The following KNDC1 variants were observed in gnomAD, a reference collection of about 807,000 sequenced individuals.
KNDC1 encodes the protein kinase non-catalytic C-lobe domain containing 1, also known as kinase non-catalytic C-lobe domain-containing protein 1.
In KNDC1, 106 loss-of-function variants were observed where a neutral mutation model predicts 172.8. That is an observed-to-expected ratio of 0.61 (90% CI 0.52 to 0.72). The LOEUF is 0.72. Ranked by LOEUF, KNDC1 falls within the 30% of genes least tolerant of loss-of-function variation. The pLI, the probability that KNDC1 is intolerant of heterozygous loss-of-function variation, is 0.00. For missense variants in KNDC1, 2,325 were observed against 2,394.5 expected, an observed-to-expected ratio of 0.97 and a Z score of 0.61; for synonymous variants, 1,083 against 1,062.2, an observed-to-expected ratio of 1.02 and a Z score of -0.38.
At chr10:133,178,162 T>C (rs1012276899) in intron 3 of KNDC1, among the ~76,000 whole-genome samples, 6 of 150,336 alleles carry the variant, frequency 4.0e-5, no homozygotes, top group African/African-American at 1.5e-4. Flanking sequence ...GGCACACGAG[T>C]GTATCCTGTG....
chr10:133,218,381 C>T (rs532131779), intron 26 of KNDC1, among the ~76,000 whole-genome samples: 1 of 152,346 alleles, frequency 6.6e-6, no homozygotes, highest in Non-Finnish European at 1.5e-5. Flanking sequence ...GCACCCACCC[C>T]GGACTGCACC....
chr10:133,207,480 G>C, intron 20 of KNDC1, 129 bp downstream of exon 20: 1 of 889,338 alleles, frequency 1.1e-6, no homozygotes, highest in Admixed American at 2.3e-5. Flanking sequence ...ATGTTTAATC[G>C]GGGTTTAGGC....
intron 3 of KNDC1, among the ~76,000 whole-genome samples, chr10:133,170,508 C>G (rs1180602789): frequency 6.6e-6 from 1 of 152,176 alleles, no homozygotes; most frequent in African/African-American, 2.4e-5. Context: ...GAGTGCCTCT[C>G]CAGTGAAGCT....
Position 133,183,496 on chromosome 10 carries a change from C to G in KNDC1, c.507+6C>G. On this transcript the variant is annotated splice_donor_region_variant and intron_variant, in intron 4 of 29. Coordinates refer to ENST00000304613, the MANE Select transcript of KNDC1 (RefSeq NM_152643.8). ...GGGACCGGCCGGACCTTGAGGTAAG[C>G]GAGGCTGCCCTGGGCCACCCCAGGC... The G allele has an allele frequency of 1.3e-6, 2 of 1,596,004 alleles. No homozygotes were observed. Among genetic ancestry groups the G allele is most frequent in the East Asian group, 2.3e-5 (1 of 44,434 alleles).
intron 21 of KNDC1, 143 bp from the exon 22 acceptor site, chr10:133,211,279 G>A (rs1029995821): frequency 1.6e-5 from 10 of 613,696 alleles, no homozygotes; most frequent in African/African-American, 1.4e-4. Flanking sequence ...AGGGACCCAC[G>A]GAAGACCCCC....
At chr10:133,203,296 C>A (rs914884100) in intron 17 of KNDC1, among the ~76,000 whole-genome samples, 1 of 151,358 alleles carries the variant, frequency 6.6e-6, no homozygotes, top group Non-Finnish European at 1.5e-5. Context: ...CGGCGTCCAG[C>A]GGGGAGCACT....
Position 133,185,312 on chromosome 10 carries a change from CAGTGTGT to C in KNDC1, c.626-660_626-654del, listed in dbSNP as rs879343248. 7.3e-5 allele frequency among the ~76,000 whole-genome samples: 11 copies of C among 150,132 alleles called. 1 individual carries two copies. Among genetic ancestry groups the C allele is most frequent in the African/African-American group, 1.2e-4 (5 of 40,612 alleles). ...GGCAGTGTGTGCAGTGTAGAGTAGG[CAGTGTGT>C]ACAGTGTGGAGTAGGCAGTGTGTGC... On this transcript the variant is annotated intron_variant, in intron 5 of 29. Transcript: ENST00000304613.
In KNDC1 at chr10:133,186,267, A is replaced by ACGTTCCCTAGGCTGCTGTC. The variant is rs1231131569; in HGVS notation, c.922_940dup (p.Asp314ValfsTer3). ...GAGAAGCCGCCTGCGGAAGGTGCAGACGTTCCCTAGGCTGCTGTCCGACAG... is the reference window on the plus strand; with the variant it reads ...GAGAAGCCGCCTGCGGAAGGTGCAGACGTTCCCTAGGCTGCTGTCCGTTCCCTAGGCTGCTGTCCGACAG... On this transcript the variant is annotated frameshift_variant, in exon 6 of 30. Transcript: ENST00000304613. LOFTEE classifies it high-confidence loss of function. 9 of 1,608,548 alleles carry ACGTTCCCTAGGCTGCTGTC rather than the reference A, an allele frequency of 5.6e-6. No individual in the cohort carries two copies. The highest frequency in any genetic ancestry group is 7.6e-6 in the Non-Finnish European group (9 of 1,178,126).
intron 3 of KNDC1, among the ~76,000 whole-genome samples, chr10:133,182,657 C>T (rs3008395): frequency 0.51 from 77,361 of 152,204 alleles, 19,968 homozygotes; most frequent in South Asian, 0.68. Flanking sequence ...AACCCAGACT[C>T]TCAAACAAAA....
intron 28 of KNDC1, 76 bp from the exon 29 acceptor site, chr10:133,219,879 G>A: frequency 1.4e-6 from 2 of 1,432,702 alleles, no homozygotes; most frequent in South Asian, 1.4e-5. Flanking sequence ...TGGTTGGGCT[G>A]CGCTGGCCCC....
chr10:133,164,804 G>T (rs976844373), intron 1 of KNDC1, among the ~76,000 whole-genome samples: 2 of 152,202 alleles, frequency 1.3e-5, no homozygotes, highest in Non-Finnish European at 2.9e-5. Flanking sequence ...TCGTGGGGTT[G>T]TCTGCTGGGA....
In KNDC1 at chr10:133,199,127, GCT is replaced by G; in HGVS notation, c.2622_2623del (p.Cys875SerfsTer69). The G allele has an allele frequency of 6.2e-7, 1 of 1,606,370 alleles. No individual in the cohort carries two copies. Among genetic ancestry groups the G allele is most frequent in the Non-Finnish European group, 8.5e-7 (1 of 1,177,414 alleles). On this transcript the variant is annotated frameshift_variant, in exon 14 of 30. Coordinates refer to ENST00000304613, the MANE Select transcript of KNDC1 (RefSeq NM_152643.8). LOFTEE classifies it high-confidence loss of function. ...AGAGGCCGCGGCCCGCAGACCGGAG[GCT>G]CTGTCTGCCCTGCGTGGATGCCTCG... is the stretch of plus-strand genomic sequence containing the variant. Reference protein sequence around the residue: ...PERPRPADRRLCLPCVDASPL... With the variant: ...PERPRPADRRXCLPCVDASPL...
intron 29 of KNDC1, among the ~76,000 whole-genome samples, chr10:133,221,409 A>G (rs1042742386): frequency 7.6e-5 from 10 of 131,690 alleles, no homozygotes; most frequent in Admixed American, 4.7e-4. Context: ...CTGGTAAGGC[A>G]CAGGGGCCAG....
rs1853765416 is a variant in KNDC1, at chr10:133,182,969, GGCGGTGTGGGCACAGGC to G, written c.361-373_361-357del. On this transcript the variant is annotated intron_variant, in intron 3 of 29. Coordinates refer to ENST00000304613, the MANE Select transcript of KNDC1 (RefSeq NM_152643.8). The stretch of plus-strand genomic sequence containing the variant: ...TGTGGGCACAGGCGGTGTGGGCACA[GGCGGTGTGGGCACAGGC>G]GGCGTGGGCACAGGCGGCAAGGGCA... Among the ~76,000 whole-genome samples, 4 of 150,392 alleles carry G rather than the reference GGCGGTGTGGGCACAGGC, an allele frequency of 2.7e-5. No homozygotes were observed. The South Asian group carries it at 6.3e-4, about 24-fold the overall frequency.
chr10:133,209,920 C>A lies in KNDC1; in HGVS notation c.3795-691C>A, dbSNP rs1486726691. ...GACAGTCCCAGACCTGCAGGCGGGG[C>A]CCTGGTCAGTGTCTCCTGAGGGTGG... On this transcript the variant is annotated intron_variant, in intron 20 of 29. Coordinates refer to ENST00000304613, the MANE Select transcript of KNDC1 (RefSeq NM_152643.8). This position sits in a 1 kb window ranked among gnomAD's most constrained non-coding sequence, Gnocchi z 4.9. Among the ~76,000 whole-genome samples the A allele has an allele frequency of 6.6e-6, 1 of 152,090 alleles. No homozygotes were observed. The highest frequency in any genetic ancestry group is 1.9e-4 in the East Asian group (1 of 5,180).
chr10:133,202,572 C>T (rs1332612263), intron 17 of KNDC1: 7 of 455,772 alleles, frequency 1.5e-5, no homozygotes, highest in Non-Finnish European at 2.6e-5. Flanking sequence ...CCATCAGCTC[C>T]GGGAACCTCT....
chr10:133,216,901 C>T (rs920281405), intron 26 of KNDC1, among the ~76,000 whole-genome samples: 3 of 152,246 alleles, frequency 2.0e-5, no homozygotes, highest in African/African-American at 7.2e-5. Context: ...CCTCGAGGGA[C>T]TCAGGCTCAG....
chr10:133,183,307 CAG>C (rs1273013693), intron 3 of KNDC1, 35 bp from the exon 4 acceptor site: 21 of 1,557,190 alleles, frequency 1.3e-5, no homozygotes, highest in Non-Finnish European at 1.7e-5. Context: ...GGCGCACACG[CAG>C]AGACTCTGGA....
chr10:133,165,582 T>A (rs1853124498), intron 1 of KNDC1, among the ~76,000 whole-genome samples: 1 of 152,250 alleles, frequency 6.6e-6, no homozygotes, highest in African/African-American at 2.4e-5. Flanking sequence ...GGTGCACGTC[T>A]GTGCCCGTGT....
Sources: gnomAD v4.1 joint callset for allele counts (sites outside exome capture counted in the v4.1 genomes callset) on GRCh38, gnomAD v4.1.1 for gene constraint, Gnocchi (gnomAD v3.1) non-coding constraint, MANE v1.5 for transcripts, NCBI Gene and HGNC (gene_info 2026-07-23, HGNC 2026-07-21) for gene names.